DNAH6: variants seen among roughly 807,000 people sequenced by gnomAD.
The protein encoded by DNAH6 is axonemal beta dynein heavy chain 6.
DNAH6 carries 340 observed loss-of-function variants against 491.4 expected under a neutral mutation model. That is an observed-to-expected ratio of 0.69 (90% CI 0.63 to 0.76). The LOEUF (loss-of-function observed/expected upper bound fraction) is 0.76. Ranked by LOEUF, DNAH6 falls within the 30% of genes least tolerant of loss-of-function variation. DNAH6 has a pLI of 0.00. For missense variants in DNAH6, 4,443 were observed against 4,972.2 expected (o/e 0.89, Z 3.20); for synonymous variants, 1,603 against 1,686.1 (o/e 0.95, Z 1.21).
In DNAH6 at chr2:84,699,632, GCA is replaced by G; in HGVS notation, c.7719_7720del (p.Ile2574CysfsTer28). The G allele has an allele frequency of 3.9e-6, 6 of 1,551,760 alleles. No individual in the cohort carries two copies. Among genetic ancestry groups the G allele is most frequent in the Non-Finnish European group, 5.2e-6 (6 of 1,146,954 alleles). ...TTATCAGCAAAGTGCGTCAGAAGCT[GCA>G]CATTGTTCTCTGCATGAGCCCAGTT... Reference protein sequence around the residue: ...YFISKVRQKLHIVLCMSPVGE... With the variant: ...YFISKVRQKLXIVLCMSPVGE... On this transcript the variant is annotated frameshift_variant, in exon 48 of 77. Coordinates refer to ENST00000389394, the MANE Select transcript of DNAH6 (RefSeq NM_001370.2). LOFTEE classifies it high-confidence loss of function.
chr2:84,804,912 A>G (rs1679271059), intron 70 of DNAH6, among the ~76,000 whole-genome samples: 1 of 152,048 alleles, frequency 6.6e-6, no homozygotes, highest in Admixed American at 6.6e-5. Flanking sequence ...AATTCCTGGG[A>G]TCAAGCTATT....
At chr2:84,632,452 CCA>C (rs1688498165) in intron 29 of DNAH6, among the ~76,000 whole-genome samples, 2 of 152,278 alleles carry the variant, frequency 1.3e-5, no homozygotes, top group South Asian at 4.1e-4. Flanking sequence ...ACCACCATGA[CCA>C]CAGACATGTT....
chr2:84,506,948 C>G, the DNAH6 span, among the ~76,000 whole-genome samples: 1 of 152,136 alleles, frequency 6.6e-6, no homozygotes, highest in Non-Finnish European at 1.5e-5. Flanking sequence ...GTACCAGTAC[C>G]ATGCTGTTTT....
At chr2:84,587,898 C>T (rs1275323690) in intron 15 of DNAH6, among the ~76,000 whole-genome samples, 1 of 152,136 alleles carries the variant, frequency 6.6e-6, no homozygotes, top group Non-Finnish European at 1.5e-5. Flanking sequence ...CCTGGTTGTC[C>T]CAGGTTGCTG....
chr2:84,501,331 C>T, the DNAH6 span, among the ~76,000 whole-genome samples: 3 of 152,028 alleles, frequency 2.0e-5, no homozygotes, highest in Non-Finnish European at 2.9e-5. Context: ...CACATTGATT[C>T]ATTTGCATAT....
intron 62 of DNAH6, among the ~76,000 whole-genome samples, chr2:84,734,426 T>C (rs1342298085): frequency 1.3e-5 from 2 of 152,176 alleles, no homozygotes; most frequent in Non-Finnish European, 2.9e-5. Flanking sequence ...CTACACTTTT[T>C]AGTTCAAAAC....
At chr2:84,746,958 A>G (rs1019341327) in intron 63 of DNAH6, among the ~76,000 whole-genome samples, 19 of 152,196 alleles carry the variant, frequency 1.2e-4, no homozygotes, top group African/African-American at 4.6e-4. Context: ...GTGAGCTACT[A>G]GAGCAAGAAT....
At chr2:84,762,430 T>G (rs921222555) in intron 63 of DNAH6, among the ~76,000 whole-genome samples, 3 of 152,040 alleles carry the variant, frequency 2.0e-5, no homozygotes, top group Non-Finnish European at 4.4e-5. Context: ...ATGGAGGGGC[T>G]GAAAGTAAAG....
At chr2:84,581,895 T>C (rs1683067870) in intron 14 of DNAH6, among the ~76,000 whole-genome samples, 1 of 152,178 alleles carries the variant, frequency 6.6e-6, no homozygotes, top group Non-Finnish European at 1.5e-5. Context: ...TTTAGCAGTT[T>C]CATACCGGTA....
chr2:84,770,467 GA>G (rs1436535788), intron 64 of DNAH6, among the ~76,000 whole-genome samples: 1 of 151,828 alleles, frequency 6.6e-6, no homozygotes. Context: ...ATAACTAAAG[GA>G]AAACATGAGA....
intron 18 of DNAH6, among the ~76,000 whole-genome samples, chr2:84,601,015 TATA>T (rs1244182691): frequency 3.4e-5 from 5 of 146,540 alleles, no homozygotes; most frequent in East Asian, 2.0e-4. Flanking sequence ...ATAATAATAT[TATA>T]ATAATAATGT....
Position 84,659,056 on chromosome 2 carries a change from C to T in DNAH6, c.5971C>T (p.Gln1991Ter). 1 of 1,473,734 alleles carries T rather than the reference C, an allele frequency of 6.8e-7. No individual in the cohort carries two copies. Among genetic ancestry groups the T allele is most frequent in the South Asian group, 1.3e-5 (1 of 79,486 alleles). 91.3% of individuals were successfully genotyped at this position (1,473,734 alleles called of 1,614,324 possible). A position where few individuals can be genotyped will look rare whatever the true frequency, so the allele number is the denominator to read the frequency against. The part of the protein sequence containing the change: ...EQTKLNTILC[Q>*]TFVFCYLWSL... ...AACAAAATTGAACACTATACTATGTCAGACTTTTGTATTCTGTTATTTGTG... is the reference window on the plus strand; with the variant it reads ...AACAAAATTGAACACTATACTATGTTAGACTTTTGTATTCTGTTATTTGTG... The change falls in exon 37 of 77, where the codon CAG becomes TAG. Residue 1991 changes from glutamine (Q) to a stop codon, truncating the protein, a stop_gained. Transcript: ENST00000389394. LOFTEE classifies it high-confidence loss of function.
At chr2:84,518,669 A>G (rs1399696021) in intron 2 of DNAH6, among the ~76,000 whole-genome samples, 1 of 152,236 alleles carries the variant, frequency 6.6e-6, no homozygotes, top group African/African-American at 2.4e-5. Flanking sequence ...TTTGTCACCA[A>G]TGCCATCTAC....
intron 10 of DNAH6, among the ~76,000 whole-genome samples, chr2:84,556,845 T>C (rs1355087254): frequency 6.6e-6 from 1 of 152,238 alleles, no homozygotes; most frequent in Non-Finnish European, 1.5e-5. Context: ...CATTATATCA[T>C]AAGCTTTTTC....
intron 64 of DNAH6, among the ~76,000 whole-genome samples, chr2:84,767,103 A>G (rs2105157217): frequency 6.6e-6 from 1 of 152,328 alleles, no homozygotes; most frequent in South Asian, 2.1e-4. Context: ...AGTGTCTATT[A>G]GAAACAGAGC....
intron 13 of DNAH6, 26 bp downstream of exon 13, chr2:84,577,434 A>T (rs1682569692): frequency 2.0e-6 from 3 of 1,486,546 alleles, no homozygotes; most frequent in East Asian, 4.6e-5. Flanking sequence ...AAAAAAAAAT[A>T]ATTATTCCTC....
At chr2:84,543,940 A>T (rs1678507907) in intron 4 of DNAH6, among the ~76,000 whole-genome samples, 1 of 152,146 alleles carries the variant, frequency 6.6e-6, no homozygotes. Context: ...TTAATGTAGA[A>T]CTATTAAATT....
At chr2:84,542,745 C>T (rs1678382308) in intron 4 of DNAH6, among the ~76,000 whole-genome samples, 1 of 152,318 alleles carries the variant, frequency 6.6e-6, no homozygotes, top group African/African-American at 2.4e-5. Context: ...TTCTTAACTT[C>T]TTTTAACAGA....
At chr2:84,653,246 C>T (rs1292084416) in intron 33 of DNAH6, 73 bp from the exon 34 acceptor site, 2 of 1,217,350 alleles carry the variant, frequency 1.6e-6, no homozygotes, top group Non-Finnish European at 2.2e-6. Flanking sequence ...CATAATATTT[C>T]ATTGATTGTA....
Sources: gnomAD v4.1 joint callset for allele counts (sites outside exome capture counted in the v4.1 genomes callset) on GRCh38, gnomAD v4.1.1 for gene constraint, MANE v1.5 for transcripts, NCBI Gene and HGNC (gene_info 2026-07-23, HGNC 2026-07-21) for gene names.